SLC26A5: variants seen among roughly 807,000 people sequenced by gnomAD.
SLC26A5 encodes the protein solute carrier family 26 member 5.
Under a neutral mutation model 81.0 loss-of-function variants are expected in SLC26A5, and 51 were observed. The ratio of observed to expected loss-of-function variants is 0.63; its 90% CI spans 0.50 to 0.80. SLC26A5 has a LOEUF of 0.80. Among genes scored for constraint, SLC26A5 ranks in the 30% least tolerant of loss-of-function variants. The pLI is 0.00. For synonymous variants in SLC26A5, 325 were observed against 332.8 expected, an observed-to-expected ratio of 0.98 and a Z score of 0.25; for missense variants, 771 against 905.8, an observed-to-expected ratio of 0.85 and a Z score of 1.91.
chr7:103,426,804 A>G (rs1825738923), intron 2 of SLC26A5, among the ~76,000 whole-genome samples: 1 of 152,256 alleles, frequency 6.6e-6, no homozygotes, highest in Non-Finnish European at 1.5e-5. Flanking sequence ...AACCAACACT[A>G]GGAGATCAAA....
intron 2 of SLC26A5, among the ~76,000 whole-genome samples, chr7:103,430,855 T>C (rs2116798815): frequency 6.6e-6 from 1 of 152,346 alleles, no homozygotes; most frequent in South Asian, 2.1e-4. Context: ...TGGGCTCTTG[T>C]TATTTGACCA....
At chr7:103,380,368 T>C in intron 15 of SLC26A5, 112 bp downstream of exon 15, 4 of 823,472 alleles carry the variant, frequency 4.9e-6, no homozygotes, top group Non-Finnish European at 6.2e-6. Flanking sequence ...ACTTTTCACT[T>C]TGACCACTAT....
chr7:103,415,561 A>G lies in SLC26A5; in HGVS notation c.293-2449T>C, dbSNP rs113395196. Among the ~76,000 whole-genome samples, 253 of 152,312 alleles carry G rather than the reference A, an allele frequency of 1.7e-3. 1 individual carries two copies. The highest frequency in any genetic ancestry group is 2.8e-3 in the Non-Finnish European group (192 of 68,022). ...GGTGCTGCTAAGTGCCCTTCACTGC[A>G]CAAGACAGGCCCCCAACAACAGAGT... On this transcript the variant is annotated intron_variant, in intron 4 of 19. Transcript: ENST00000306312.
intron 7 of SLC26A5, 58 bp from the exon 8 acceptor site, chr7:103,408,061 A>T: frequency 6.3e-7 from 1 of 1,595,876 alleles, no homozygotes; most frequent in Non-Finnish European, 8.6e-7. Flanking sequence ...AGAGAGACAG[A>T]GACACTCTAG....
At chr7:103,390,389 C>T (rs1297907343) in intron 12 of SLC26A5, 40 bp downstream of exon 12, 2 of 1,537,212 alleles carry the variant, frequency 1.3e-6, no homozygotes, top group Non-Finnish European at 1.8e-6. Context: ...AAAATCTCTA[C>T]ACATGAAAAA....
intron 1 of SLC26A5, among the ~76,000 whole-genome samples, chr7:103,443,455 C>T (rs1365498832): frequency 6.6e-6 from 1 of 152,152 alleles, no homozygotes; most frequent in Non-Finnish European, 1.5e-5. Context: ...TTTTTGAACT[C>T]AGCCATTCCC....
intron 2 of SLC26A5, among the ~76,000 whole-genome samples, chr7:103,438,503 C>A (rs1405831414): frequency 6.6e-6 from 1 of 151,822 alleles, no homozygotes; most frequent in Non-Finnish European, 1.5e-5. Flanking sequence ...CAGGCATGTG[C>A]CACCACACCC....
intron 8 of SLC26A5, among the ~76,000 whole-genome samples, chr7:103,403,372 G>T (rs981021537): frequency 6.6e-6 from 1 of 152,196 alleles, no homozygotes; most frequent in African/African-American, 2.4e-5. Context: ...GAGTTCTGTA[G>T]ATGTCTATTA....
rs1820797080 is a variant in SLC26A5 at position 103,367,858 on chromosome 7, G to C, written c.2041+8950C>G. ...ATTTGCTGGTCTGTCTGCTCAGGCT[G>C]CTTTAATTAAGCCCGTTTATTTTCT... is the stretch of plus-strand genomic sequence containing the variant. On this transcript the variant is annotated intron_variant, in intron 19 of 19. Transcript: ENST00000339444. The surrounding 1 kb of genome is among the most constrained non-coding windows in gnomAD (Gnocchi z 6.1). The C allele has an allele frequency of 6.2e-7, 1 of 1,612,208 alleles. No individual in the cohort carries two copies. Among genetic ancestry groups the C allele is most frequent in the Non-Finnish European group, 8.5e-7 (1 of 1,179,316 alleles).
downstream of SLC26A5, among the ~76,000 whole-genome samples, chr7:103,371,363 C>G (rs564048531): frequency 1.1e-4 from 16 of 148,720 alleles, no homozygotes; most frequent in East Asian, 3.1e-3. Context: ...CTCGCTCTGT[C>G]GCCCAGGCTG....
At chr7:103,428,452 T>C (rs146245756) in intron 2 of SLC26A5, among the ~76,000 whole-genome samples, 1 of 152,288 alleles carries the variant, frequency 6.6e-6, no homozygotes, top group East Asian at 1.9e-4. Context: ...GTTGATAAGT[T>C]TGGAGGAATC....
At position 103,368,223 on chromosome 7, in the gene SLC26A5, C is replaced by CTTGT. The variant is rs1303437593; in HGVS notation, c.2041+8581_2041+8584dup. The CTTGT allele has an allele frequency of 2.4e-5, 16 of 656,354 alleles. 1 individual carries two copies. Among genetic ancestry groups the CTTGT allele is most frequent in the African/African-American group, 9.3e-5 (5 of 53,928 alleles). 40.7% of individuals were successfully genotyped at this position (656,354 alleles called of 1,614,324 possible). ...TTTCTAATGTTATTAGGCAGAAAAG[C>CTTGT]TTGTTAGAATATATTTTGACTATTT... On this transcript the variant is annotated intron_variant, in intron 19 of 19. Coordinates refer to the SLC26A5 transcript ENST00000339444.
At chr7:103,362,321 A>G in intron 19 of SLC26A5, 1 of 1,372,494 alleles carries the variant, frequency 7.3e-7, no homozygotes, top group Non-Finnish European at 9.4e-7. Context: ...TTCAAATTTC[A>G]GAGTTGAGGT....
At chr7:103,371,629 A>C (rs1339453526), downstream of SLC26A5, among the ~76,000 whole-genome samples, 1 of 151,480 alleles carries the variant, frequency 6.6e-6, no homozygotes, top group South Asian at 2.1e-4. Flanking sequence ...TGGCCTGTAC[A>C]CTACTGTCAA....
chr7:103,373,812 C>A (rs141188678), downstream of SLC26A5, among the ~76,000 whole-genome samples: 670 of 152,276 alleles, frequency 4.4e-3, 4 homozygotes, highest in Middle Eastern at 0.01. Flanking sequence ...GGAAAAAGAT[C>A]TGGAAGGATA....
chr7:103,427,596 TAAC>T (rs1024310471), intron 2 of SLC26A5, among the ~76,000 whole-genome samples: 1 of 152,130 alleles, frequency 6.6e-6, no homozygotes, highest in African/African-American at 2.4e-5. Context: ...AACAAAATGG[TAAC>T]AACATTTTAA....
Position 103,420,779 on chromosome 7 carries a change from A to C in SLC26A5, c.251T>G (p.Leu84Trp). The change falls in exon 4 of 20, where the codon TTG becomes TGG. Residue 84 changes from leucine (L) to tryptophan (W), a missense_variant. By Grantham distance (61) the Leu-to-Trp change is moderately conservative (BLOSUM62 -2). Coordinates refer to ENST00000306312, the MANE Select transcript of SLC26A5 (RefSeq NM_198999.3). ...CACCCCTGTGCTTATGCCTGAGACC[A>C]AGTCACCCAACACATATTCCTTGAA... ...YKFKEYVLGD[L>W]VSGISTGVLQ... 6.2e-7 allele frequency: 1 copy of C among 1,614,176 alleles called. No homozygotes were observed. The highest frequency in any genetic ancestry group is 8.5e-7 in the Non-Finnish European group (1 of 1,180,008).
At chr7:103,356,322 C>T (rs750230345) in intron 19 of SLC26A5, among the ~76,000 whole-genome samples, 16 of 152,154 alleles carry the variant, frequency 1.1e-4, no homozygotes, top group Non-Finnish European at 1.9e-4. Flanking sequence ...AGTGAATATT[C>T]GTGTTAAATG....
At chr7:103,395,131 C>T (rs1209321038) in intron 9 of SLC26A5, among the ~76,000 whole-genome samples, 2 of 152,170 alleles carry the variant, frequency 1.3e-5, no homozygotes, top group South Asian at 2.1e-4. Flanking sequence ...GCCTAACCTA[C>T]ACTAAAGAAT....
Sources: allele counts gnomAD v4.1 joint callset (sites outside exome capture counted in the v4.1 genomes callset), GRCh38; gene constraint gnomAD v4.1.1; non-coding constraint Gnocchi (gnomAD v3.1); transcripts MANE v1.5; gene names NCBI Gene and HGNC (gene_info 2026-07-23, HGNC 2026-07-21).